The following SPAG9 variants were observed in gnomAD, a reference collection of about 807,000 sequenced individuals.
SPAG9 encodes the protein C-Jun-amino-terminal kinase-interacting protein 4.
Under a neutral mutation model 166.5 loss-of-function variants are expected in SPAG9, and 35 were observed. The observed-to-expected ratio is 0.21, with a 90% CI of 0.16 to 0.28. The LOEUF (loss-of-function observed/expected upper bound fraction) is 0.28. SPAG9 is among the 10% of genes least tolerant of loss of function. The pLI is 1.00. For synonymous variants in SPAG9, 534 were observed against 565.5 expected, an observed-to-expected ratio of 0.94 and a Z score of 0.79; for missense variants, 1,235 against 1,603.3, an observed-to-expected ratio of 0.77 and a Z score of 3.92.
intron 1 of SPAG9, among the ~76,000 whole-genome samples, chr17:51,095,212 C>T (rs1402428913): frequency 6.7e-6 from 1 of 148,662 alleles, no homozygotes; most frequent in East Asian, 2.0e-4. Flanking sequence ...AGGAGAATGG[C>T]AGGAACCCAG....
chr17:51,034,999 C>A (rs1016758601), intron 5 of SPAG9, among the ~76,000 whole-genome samples: 6 of 152,164 alleles, frequency 3.9e-5, no homozygotes, highest in African/African-American at 7.2e-5. Flanking sequence ...GGAACACTGG[C>A]GAGACATAAT....
rs377071387 is a variant in SPAG9, at chr17:50,997,471, T to C, written c.1839-777A>G. ...GATATAGGTTAGATTTTAGATCCCATTAACTTGTTTCAGAAAATAAAAATG... is the reference window on the plus strand; with the variant it reads ...GATATAGGTTAGATTTTAGATCCCACTAACTTGTTTCAGAAAATAAAAATG... On this transcript the variant is annotated intron_variant, in intron 15 of 29. Transcript: ENST00000262013. Among the ~76,000 whole-genome samples the C allele has an allele frequency of 3.3e-4, 50 of 152,350 alleles. No homozygotes were observed. The South Asian group carries it at 8.9e-3, about 27-fold the overall frequency.
Position 50,993,795 on chromosome 17 carries a change from G to A in SPAG9, c.2367C>T (p.Asn789=). Residue 789 remains asparagine (N), a synonymous_variant, in exon 19 of 30, where the codon AAC becomes AAT. Coordinates refer to ENST00000262013, the MANE Select transcript of SPAG9 (RefSeq NM_001130528.3). ...CACTTGCAATGCACAGAACATGAGAGTTGCAAACAGTGAAACTGTCTAGGA... is the reference window on the plus strand; with the variant it reads ...CACTTGCAATGCACAGAACATGAGAATTGCAAACAGTGAAACTGTCTAGGA... ...GNILDSFTVC[N]SHVLCIASVP... 1 of 1,614,140 alleles carries A rather than the reference G, an allele frequency of 6.2e-7. No individual in the cohort carries two copies. Among genetic ancestry groups the A allele is most frequent in the Non-Finnish European group, 8.5e-7 (1 of 1,180,018 alleles).
intron 12 of SPAG9, among the ~76,000 whole-genome samples, chr17:51,003,825 C>G (rs975191304): frequency 2.2e-4 from 33 of 152,178 alleles, no homozygotes; most frequent in Admixed American, 1.1e-3. Flanking sequence ...AAGTTTATAA[C>G]ACAGCAAGCC....
intron 6 of SPAG9, chr17:51,030,877 C>T (rs1283428156): frequency 6.6e-6 from 1 of 151,898 alleles, no homozygotes. Context: ...CCTGTTATCC[C>T]CAGTGCCCAG....
At chr17:51,012,932 T>C (rs1331164448) in intron 9 of SPAG9, among the ~76,000 whole-genome samples, 1 of 151,844 alleles carries the variant, frequency 6.6e-6, no homozygotes, top group African/African-American at 2.4e-5. Context: ...TTTTTCGCCA[T>C]GTTGCCCAGG....
chr17:51,088,828 C>G (rs2048368030), intron 1 of SPAG9, among the ~76,000 whole-genome samples: 1 of 151,734 alleles, frequency 6.6e-6, no homozygotes, highest in Non-Finnish European at 1.5e-5. Flanking sequence ...GGCACAGTTG[C>G]TCACGCCTGT....
At chr17:50,996,804 G>T in intron 15 of SPAG9, 110 bp from the exon 16 acceptor site, 4 of 1,048,940 alleles carry the variant, frequency 3.8e-6, no homozygotes, top group Non-Finnish European at 5.6e-6. Context: ...AAATTTACAT[G>T]ATTTCAAATT....
intron 1 of SPAG9, among the ~76,000 whole-genome samples, chr17:51,097,825 C>T (rs959754612): frequency 2.6e-5 from 4 of 151,636 alleles, no homozygotes; most frequent in East Asian, 3.9e-4. Context: ...AAGATAGGGT[C>T]TCACTCTGTT....
intron 4 of SPAG9, chr17:51,046,702 C>A (rs1304456435): frequency 1.3e-6 from 2 of 1,535,934 alleles, no homozygotes; most frequent in Non-Finnish European, 1.7e-6. Context: ...CCAAGGAGGC[C>A]TACACGGGGG....
rs997567858 is a variant in SPAG9, at chr17:50,962,633, T to TA, written c.*3638dup. ...GAACATGATCAATTAAGAAGAGCCC[T>TA]AAATCTGGTTGAGTCCTTTGGTAAC... On this transcript the variant is annotated 3_prime_UTR_variant, in exon 30 of 30. Transcript: ENST00000262013. 6.6e-6 allele frequency: 1 copy of TA among 152,208 alleles called. No individual in the cohort carries two copies. The highest frequency in any genetic ancestry group is 2.4e-5 in the African/African-American group (1 of 41,448). 9.4% of individuals were successfully genotyped at this position (152,208 alleles called of 1,614,324 possible).
rs534277665 is a variant in SPAG9, at chr17:50,990,509, G to A, written c.2558C>T (p.Thr853Met). The A allele has an allele frequency of 1.1e-4, 174 of 1,614,162 alleles. No homozygotes were observed. Among genetic ancestry groups the A allele is most frequent in the East Asian group, 4.0e-4 (18 of 44,878 alleles). The change falls in exon 20 of 30, where the codon ACG (threonine) becomes ATG (methionine). Residue 853 changes from threonine to methionine, a missense_variant. Transcript: ENST00000262013. ...TVVGCSAEGV[T>M]GAATSPSTNG... Reference sequence around the variant, plus strand: ...TGTACTAGGGGAAGTGGCAGCTCCCGTCACACCTTCTGCAGAACAACCAAC... The same window carrying A: ...TGTACTAGGGGAAGTGGCAGCTCCCATCACACCTTCTGCAGAACAACCAAC...
At chr17:51,057,048 A>T (rs1430804437) in intron 2 of SPAG9, among the ~76,000 whole-genome samples, 4 of 152,236 alleles carry the variant, frequency 2.6e-5, no homozygotes, top group Non-Finnish European at 5.9e-5. Context: ...TGAGATACAG[A>T]ATGTCAGGAC....
At chr17:51,009,687 A>G (rs986746970) in intron 9 of SPAG9, among the ~76,000 whole-genome samples, 5 of 152,200 alleles carry the variant, frequency 3.3e-5, no homozygotes, top group African/African-American at 4.8e-5. Flanking sequence ...TAAAAGATTA[A>G]CTGGCAATGT....
intron 4 of SPAG9, chr17:51,046,700 G>T: frequency 6.5e-7 from 1 of 1,535,828 alleles, no homozygotes; most frequent in Non-Finnish European, 8.7e-7. Context: ...AACCAAGGAG[G>T]CCTACACGGG....
rs1973222604 is a variant in SPAG9 at position 50,963,774 on chromosome 17, A to G, written c.*2498T>C. 6.6e-6 allele frequency: 1 copy of G among 152,228 alleles called. No homozygotes were observed. The highest frequency in any genetic ancestry group is 1.5e-5 in the Non-Finnish European group (1 of 68,044). The allele number at this position is 152,228 out of a possible 1,614,324, so 9.4% of individuals were successfully genotyped here. On this transcript the variant is annotated 3_prime_UTR_variant, in exon 30 of 30. Transcript: ENST00000262013. ...TGGTGTCTCTTTCTTGTGAATCTATACAACATTTCCAATAAATGTTTAATA... is the reference window on the plus strand; with the variant it reads ...TGGTGTCTCTTTCTTGTGAATCTATGCAACATTTCCAATAAATGTTTAATA...
chr17:51,017,121 T>C (rs1014073002), intron 8 of SPAG9, among the ~76,000 whole-genome samples: 5 of 152,204 alleles, frequency 3.3e-5, no homozygotes, highest in African/African-American at 1.2e-4. Context: ...ACAGCCTTTT[T>C]CAACCAGGGT....
chr17:51,047,339 A>C (rs755098165), intron 4 of SPAG9, 36 bp downstream of exon 4: 1 of 1,094,202 alleles, frequency 9.1e-7, no homozygotes, highest in Non-Finnish European at 1.3e-6. Context: ...TATTTATTTT[A>C]CTTTTTCTCA....
Position 50,997,393 on chromosome 17 carries a change from C to T in SPAG9, c.1839-699G>A, listed in dbSNP as rs142339687. On this transcript the variant is annotated intron_variant, in intron 15 of 29. Coordinates refer to ENST00000262013, the MANE Select transcript of SPAG9 (RefSeq NM_001130528.3). ...CTGAGAATATCCTAATGCCAGAAAA[C>T]GTGCTAGAAGTGATTTAAAACTTGA... Among the ~76,000 whole-genome samples, 15 of 152,196 alleles carry T rather than the reference C, an allele frequency of 9.9e-5. No homozygotes were observed. The East Asian group carries it at 2.3e-3, about 23-fold the overall frequency.
Sources: allele counts gnomAD v4.1 joint callset (sites outside exome capture counted in the v4.1 genomes callset), GRCh38; gene constraint gnomAD v4.1.1; transcripts MANE v1.5; gene names NCBI Gene and HGNC (gene_info 2026-07-23, HGNC 2026-07-21).